The following ZNF846 variants were observed in gnomAD, a reference collection of about 807,000 sequenced individuals.
ZNF846 encodes the protein zinc finger protein 420 pseudogene.
A neutral mutation model predicts 16.0 loss-of-function variants in ZNF846; 15 were observed. The ratio of observed to expected loss-of-function variants is 0.94; its 90% CI spans 0.63 to 1.45. ZNF846 has a LOEUF of 1.45. Among genes scored for constraint, ZNF846 ranks in the 40% most tolerant of loss-of-function variants. ZNF846 has a pLI of 0.00. For missense variants in ZNF846, 714 were observed against 622.3 expected, an observed-to-expected ratio of 1.15 and a Z score of -1.57; for synonymous variants, 229 against 212.0, an observed-to-expected ratio of 1.08 and a Z score of -0.70.
chr19:9,756,345 G>GTGTATATATCTATA (rs1321690890), downstream of ZNF846: 1 of 81,776 alleles, frequency 1.2e-5, no homozygotes, highest in African/African-American at 6.1e-5. Context: ...GTGTGTGTGT[G>GTGTATATATCTATA]TATATATATA....
exon 5 of ZNF846, chr19:9,759,882 C>G: frequency 6.2e-7 from 1 of 1,612,974 alleles, no homozygotes; most frequent in Non-Finnish European, 8.5e-7. Context: ...ATTTGGTGAT[C>G]TTTCTGCAGA....
chr19:9,768,795 G>A (rs1208538191), upstream of ZNF846: 2 of 152,320 alleles, frequency 1.3e-5, no homozygotes, highest in Admixed American at 6.5e-5. Context: ...AAGTGTAGGG[G>A]CCGAGCCCCA....
downstream of ZNF846, chr19:9,756,739 A>C: frequency 7.3e-6 from 1 of 136,414 alleles, no homozygotes; most frequent in Admixed American, 8.2e-5. Flanking sequence ...TCTCATGTAG[A>C]TATTAAGTCC....
At chr19:9,772,314 T>C (rs562438715), upstream of ZNF846, among the ~76,000 whole-genome samples, 5 of 152,166 alleles carry the variant, frequency 3.3e-5, no homozygotes, top group South Asian at 1.0e-3. Context: ...TAAAATGTGG[T>C]AGAGGCTGGG....
intron 1 of ZNF846, among the ~76,000 whole-genome samples, chr19:9,784,664 G>T (rs1297678005): frequency 2.0e-5 from 3 of 151,990 alleles, no homozygotes; most frequent in Non-Finnish European, 4.4e-5. Flanking sequence ...TTCCCACAAG[G>T]CCATATCTCA....
At chr19:9,783,218 CTTTTTTTTTTTTTTTT>C (rs74183307) in intron 1 of ZNF846, among the ~76,000 whole-genome samples, 5 of 65,366 alleles carry the variant, frequency 7.6e-5, no homozygotes, top group South Asian at 4.6e-4. Flanking sequence ...CCCTATAATT[CTTTTTTTTTTTTTTTT>C]TTTTTTTTTT....
chr19:9,763,144 CAA>C (rs60184154), intron 3 of ZNF846, 136 bp downstream of exon 3: 16,386 of 547,982 alleles, frequency 0.03, no homozygotes, highest in South Asian at 0.046. Context: ...GACTGTGTCT[CAA>C]AAAAAAAAAA....
intron 1 of ZNF846, among the ~76,000 whole-genome samples, chr19:9,781,131 T>A (rs1304122129): frequency 2.0e-5 from 3 of 152,062 alleles, no homozygotes; most frequent in Non-Finnish European, 4.4e-5. Flanking sequence ...TCCTGTTAGG[T>A]GTTTTTTTGT....
At chr19:9,758,534 C>G in exon 6 of ZNF846, 2 of 1,613,306 alleles carry the variant, frequency 1.2e-6, no homozygotes, top group Non-Finnish European at 8.5e-7. Flanking sequence ...GATTTGGAAA[C>G]TGGTTGAAGG....
chr19:9,765,965 A>G (rs1300406009), intron 1 of ZNF846, among the ~76,000 whole-genome samples: 1 of 152,092 alleles, frequency 6.6e-6, no homozygotes, highest in Admixed American at 6.6e-5. Flanking sequence ...TATGAAAACA[A>G]AGAATAAAAG....
chr19:9,760,283 C>A (rs567561501), intron 4 of ZNF846, among the ~76,000 whole-genome samples: 1 of 142,596 alleles, frequency 7.0e-6, no homozygotes, highest in Non-Finnish European at 1.5e-5. Context: ...CAGAGCAAGA[C>A]TTCGTCTCAA....
upstream of ZNF846, among the ~76,000 whole-genome samples, chr19:9,770,714 C>A (rs1043017386): frequency 6.6e-6 from 1 of 151,238 alleles, no homozygotes; most frequent in African/African-American, 2.4e-5. Context: ...CTAAAAAATA[C>A]AAAAACCAGC....
At chr19:9,775,003 A>G in intron 1 of ZNF846, 1 of 1,556,210 alleles carries the variant, frequency 6.4e-7, no homozygotes, top group Non-Finnish European at 8.8e-7. Context: ...CAGAGGCCCC[A>G]TGCAGTGCAT....
At chr19:9,754,575 A>C (rs2045116066), downstream of ZNF846, among the ~76,000 whole-genome samples, 1 of 149,922 alleles carries the variant, frequency 6.7e-6, no homozygotes. Flanking sequence ...AAAAAAAAAA[A>C]AAAAAAAAAA....
At chr19:9,762,230 G>C in intron 3 of ZNF846, 62 bp from the exon 4 acceptor site, 1 of 1,297,048 alleles carries the variant, frequency 7.7e-7, no homozygotes, top group African/African-American at 1.5e-5. Context: ...GTCCTTCAAT[G>C]GGGAACCAAT....
upstream of ZNF846, among the ~76,000 whole-genome samples, chr19:9,771,187 T>C (rs1385670067): frequency 6.6e-6 from 1 of 152,040 alleles, no homozygotes; most frequent in Non-Finnish European, 1.5e-5. Context: ...TTTGTTTTGT[T>C]TTGTTTTTTC....
At chr19:9,756,873 T>C (rs1358175772), downstream of ZNF846, 1 of 151,830 alleles carries the variant, frequency 6.6e-6, no homozygotes, top group Non-Finnish European at 1.5e-5. Flanking sequence ...TTACCTTCAA[T>C]TGGCTTTTAC....
intron 1 of ZNF846, among the ~76,000 whole-genome samples, chr19:9,784,439 G>A (rs549059347): frequency 1.5e-4 from 23 of 152,300 alleles, no homozygotes; most frequent in African/African-American, 5.5e-4. Flanking sequence ...ATTGCCGCCA[G>A]CATGTCTCAC....
At chr19:9,750,928 A>C (rs2045078661), downstream of ZNF846, among the ~76,000 whole-genome samples, 1 of 152,198 alleles carries the variant, frequency 6.6e-6, no homozygotes, top group Non-Finnish European at 1.5e-5. Context: ...TTTCTTAATG[A>C]AGAGTGTTTG....
Sources: gnomAD v4.1 joint callset for allele counts (sites outside exome capture counted in the v4.1 genomes callset) on GRCh38, gnomAD v4.1.1 for gene constraint, MANE v1.5 for transcripts, NCBI Gene and HGNC (gene_info 2026-07-23, HGNC 2026-07-21) for gene names.